The following DEAF1 variants were observed in gnomAD, a reference collection of about 807,000 sequenced individuals.
DEAF1 encodes the protein DEAF1 transcription factor, also known as deformed epidermal autoregulatory factor 1 homolog.
DEAF1 carries 53 observed loss-of-function variants against 58.9 expected under a neutral mutation model. The ratio of observed to expected loss-of-function variants is 0.90; its 90% CI spans 0.72 to 1.13. DEAF1 has a LOEUF of 1.13. Ranked by LOEUF, DEAF1 falls within the 50% of genes most tolerant of loss-of-function variation. DEAF1 has a pLI of 0.00. For missense variants in DEAF1, 685 were observed against 791.4 expected (o/e 0.87, Z 1.61); for synonymous variants, 385 against 340.4 (o/e 1.13, Z -1.44).
At chr11:658,074 G>A (rs986871421) in intron 10 of DEAF1, among the ~76,000 whole-genome samples, 3 of 152,176 alleles carry the variant, frequency 2.0e-5, no homozygotes, top group Non-Finnish European at 4.4e-5. Flanking sequence ...GACCCTCTGC[G>A]CTCACTTTGC....
rs574194648 is a variant in DEAF1 at position 680,981 on chromosome 11, C to T, written c.979G>A (p.Ala327Thr). Residue 327 changes from alanine (A) to threonine (T), a missense_variant, in exon 7 of 12, where the codon GCC (alanine) becomes ACC (threonine). This residue lies in a region of DEAF1 where 343 missense variants were observed against 379.8 expected (regional missense o/e 0.90). Coordinates refer to ENST00000382409, the MANE Select transcript of DEAF1 (RefSeq NM_021008.4). ...AACTCACAGGTGGTAGCCGCGGTGG[C>T]TGGAAGCAATGTGATGTTCTTGGGG... ...DSPKNITLLP[A>T]TAATTFTVTP... 53 of 1,614,136 alleles carry T rather than the reference C, an allele frequency of 3.3e-5. No individual in the cohort carries two copies. The South Asian group carries it at 4.8e-4, about 15-fold the overall frequency.
In DEAF1 at chr11:654,129, C is replaced by T. The variant is rs930986969; in HGVS notation, c.1504-78G>A. The T allele has an allele frequency of 6.3e-5, 74 of 1,174,596 alleles. No homozygotes were observed. In the Admixed American group the frequency reaches 6.8e-4, roughly 11 times the overall value. The allele number at this position is 1,174,596 out of a possible 1,614,324, so 72.8% of individuals were successfully genotyped here. A position where few individuals can be genotyped will look rare whatever the true frequency, so the allele number is the denominator to read the frequency against. ...GAGACACCGGGGACAGAGGCAGGTG[C>T]AGGCAGGAGGCCCCAAGTTCCCCCC... On this transcript the variant is annotated intron_variant, in intron 10 of 11. Coordinates refer to ENST00000382409, the MANE Select transcript of DEAF1 (RefSeq NM_021008.4).
chr11:648,344 A>G (rs531020811), intron 11 of DEAF1, among the ~76,000 whole-genome samples: 52 of 151,806 alleles, frequency 3.4e-4, no homozygotes, highest in Admixed American at 1.1e-3. Flanking sequence ...ACAGGCGCCC[A>G]CCACCACGCC....
At chr11:666,861 A>C (rs1859550908) in intron 10 of DEAF1, among the ~76,000 whole-genome samples, 1 of 142,302 alleles carries the variant, frequency 7.0e-6, no homozygotes, top group Non-Finnish European at 1.5e-5. Context: ...CTGGAGAGCA[A>C]GACTCTGTCT....
At chr11:704,839 C>G in intron 1 of DEAF1, 1 of 374,174 alleles carries the variant, frequency 2.7e-6, no homozygotes, top group South Asian at 2.1e-5. Context: ...GGGACCCCAC[C>G]CCCCAGCTGT....
chr11:703,618 TCC>T, intron 1 of DEAF1: 1 of 1,232,822 alleles, frequency 8.1e-7, no homozygotes, highest in Non-Finnish European at 1.0e-6. Flanking sequence ...CACCTGTGTT[TCC>T]AAGTCGGGCT....
intron 2 of DEAF1, among the ~76,000 whole-genome samples, chr11:691,024 A>G (rs1441786312): frequency 6.6e-6 from 1 of 152,256 alleles, no homozygotes; most frequent in East Asian, 1.9e-4. Context: ...TGGCACAGAC[A>G]CTATTTGAAA....
chr11:687,134 C>A, intron 4 of DEAF1, 137 bp from the exon 5 acceptor site: 1 of 1,329,946 alleles, frequency 7.5e-7, no homozygotes, highest in Non-Finnish European at 1.0e-6. Flanking sequence ...CACCCACATA[C>A]TTGGCCCTGA....
chr11:672,621 T>C (rs1859881178), intron 10 of DEAF1, among the ~76,000 whole-genome samples: 1 of 152,080 alleles, frequency 6.6e-6, no homozygotes, highest in Non-Finnish European at 1.5e-5. Flanking sequence ...CTGAGGTGGG[T>C]GAATCACCTG....
In DEAF1 at chr11:674,767, A is replaced by C. The variant is rs758576815; in HGVS notation, c.1272T>G (p.Pro424=). 16 of 1,612,362 alleles carry C rather than the reference A, an allele frequency of 9.9e-6. No individual in the cohort carries two copies. The South Asian group carries it at 1.8e-4, about 18-fold the overall frequency. ...SHPKIVLTSL[P]ALAVPPPTPT... ...GAGTCGGGGGTGGGACCGCCAGCGC[A>C]GGCAGGGATGTCAACACTAGAGCAT... is the stretch of plus-strand genomic sequence containing the variant. The change falls in exon 10 of 12, where the codon CCT becomes CCG. Residue 424 remains proline (P), a synonymous_variant. Transcript: ENST00000382409.
At chr11:684,806 G>A (rs1364903925) in intron 6 of DEAF1, 92 bp downstream of exon 6, 5 of 1,124,082 alleles carry the variant, frequency 4.4e-6, no homozygotes, top group Non-Finnish European at 6.6e-6. Flanking sequence ...GAGGGCAGGA[G>A]GGAAACAGCC....
chr11:689,716 T>C (rs1379787165), intron 2 of DEAF1: 1 of 152,126 alleles, frequency 6.6e-6, no homozygotes, highest in Non-Finnish European at 1.5e-5. Flanking sequence ...AGTCACAGAG[T>C]ATTTTTCTTA....
At chr11:702,317 C>T (rs116069225) in intron 1 of DEAF1, among the ~76,000 whole-genome samples, 20 of 152,368 alleles carry the variant, frequency 1.3e-4, no homozygotes, top group East Asian at 7.7e-4. Flanking sequence ...AGCACCGCTG[C>T]GGCACAGAGG....
At chr11:698,889 G>C, upstream of DEAF1, 1 of 1,614,106 alleles carries the variant, frequency 6.2e-7, no homozygotes, top group South Asian at 1.1e-5. Flanking sequence ...CTCCACAGTG[G>C]TATCCTGCTG....
At chr11:653,743 A>G (rs1346988309) in intron 11 of DEAF1, among the ~76,000 whole-genome samples, 1 of 152,180 alleles carries the variant, frequency 6.6e-6, no homozygotes, top group Non-Finnish European at 1.5e-5. Context: ...CCGGCCACCA[A>G]CTGTGGGGCC....
At chr11:680,719 G>C (rs574534386) in intron 7 of DEAF1, among the ~76,000 whole-genome samples, 6 of 152,202 alleles carry the variant, frequency 3.9e-5, no homozygotes, top group Non-Finnish European at 7.3e-5. Flanking sequence ...CTCATACTAG[G>C]AAACAGCCCA....
intron 10 of DEAF1, among the ~76,000 whole-genome samples, chr11:672,725 G>A (rs1294719310): frequency 6.6e-6 from 1 of 152,014 alleles, no homozygotes; most frequent in Non-Finnish European, 1.5e-5. Context: ...GCACATGCCT[G>A]TAATCCCAGC....
intron 9 of DEAF1, among the ~76,000 whole-genome samples, chr11:675,802 A>G (rs768711627): frequency 6.6e-6 from 1 of 152,100 alleles, no homozygotes; most frequent in Non-Finnish European, 1.5e-5. Flanking sequence ...CCTGGGTGAC[A>G]GAGTGAGACT....
intron 5 of DEAF1, among the ~76,000 whole-genome samples, chr11:686,302 A>C (rs1179078650): frequency 6.6e-6 from 1 of 150,986 alleles, no homozygotes; most frequent in Non-Finnish European, 1.5e-5. Flanking sequence ...AAAAAAAAAA[A>C]AAAAAAACCA....
Sources: gnomAD v4.1 joint callset for allele counts (sites outside exome capture counted in the v4.1 genomes callset) on GRCh38, gnomAD v4.1.1 for gene constraint, gnomAD v4.1.1 regional missense constraint, MANE v1.5 for transcripts, NCBI Gene and HGNC (gene_info 2026-07-23, HGNC 2026-07-21) for gene names.